VPS51: variants seen among roughly 807,000 people sequenced by gnomAD.
The protein encoded by VPS51 is VPS51 subunit of GARP complex, also known as vacuolar protein sorting-associated protein 51 homolog.
Under a neutral mutation model 65.1 loss-of-function variants are expected in VPS51, and 55 were observed. The observed-to-expected ratio is 0.84, with a 90% CI of 0.68 to 1.06. VPS51 has a LOEUF of 1.06. Ranked by LOEUF, VPS51 falls within the 50% of genes least tolerant of loss-of-function variation. The pLI, the probability that VPS51 is intolerant of heterozygous loss-of-function variation, is 0.00. For missense variants in VPS51, 943 were observed against 1,101.6 expected, an observed-to-expected ratio of 0.86 and a Z score of 2.04; for synonymous variants, 473 against 489.5, an observed-to-expected ratio of 0.97 and a Z score of 0.44.
intron 1 of VPS51, 40 bp downstream of exon 1, chr11:65,096,518 G>GGGGC: frequency 2.0e-6 from 1 of 499,404 alleles, no homozygotes. Context: ...GGGGAGGGGG[G>GGGGC]AAGGGAACCA....
Position 65,110,899 on chromosome 11 carries a change from C to T in VPS51, c.2088+118C>T, listed in dbSNP as rs1947892912. 2.4e-6 allele frequency: 3 copies of T among 1,229,724 alleles called. No homozygotes were observed. In the East Asian group the frequency reaches 7.0e-5, roughly 29 times the overall value. 76.2% of individuals were successfully genotyped at this position (1,229,724 alleles called of 1,614,324 possible). ...TGACCAACTGGGGGTGACCCTGACCCTCCAGTCTCTGTCTCTAGGGCTGTT... is the reference window on the plus strand; with the variant it reads ...TGACCAACTGGGGGTGACCCTGACCTTCCAGTCTCTGTCTCTAGGGCTGTT... On this transcript the variant is annotated intron_variant, in intron 9 of 9. Transcript: ENST00000279281.
Position 65,108,437 on chromosome 11 carries a change from C to T in VPS51, c.966C>T (p.Tyr322=), listed in dbSNP as rs1011477237. ...VGGLCQVAAA[Y]QELFAAQGPA... The stretch of plus-strand genomic sequence containing the variant: ...GCCTCTGCCAGGTGGCGGCGGCCTA[C>T]CAGGAGCTGTTTGCGGCCCAGGGCC... Residue 322 remains tyrosine (Y), a synonymous_variant, in exon 5 of 10, where the codon TAC becomes TAT. Transcript: ENST00000279281. 1.2e-6 allele frequency: 2 copies of T among 1,611,702 alleles called. No individual in the cohort carries two copies. Among genetic ancestry groups the T allele is most frequent in the Non-Finnish European group, 1.7e-6 (2 of 1,179,618 alleles).
In VPS51 at chr11:65,109,852, A is replaced by C. The variant is rs1243064041; in HGVS notation, c.1807A>C (p.Thr603Pro). The stretch of plus-strand genomic sequence containing the variant: ...CGTGGAGACTCGCGACTGGCTCAGC[A>C]CTCTGGAGCCCCGGAATGTGCGGGC... ...KSVETRDWLS[T>P]LEPRNVRAVM... The change falls in exon 7 of 10, where the codon ACT becomes CCT. Residue 603 changes from threonine (T) to proline (P), a missense_variant. By Grantham distance (38) the Thr-to-Pro change is conservative (BLOSUM62 -1). This residue lies in a region of VPS51 where 855 missense variants were observed against 953.7 expected (regional missense o/e 0.90). Coordinates refer to ENST00000279281, the MANE Select transcript of VPS51 (RefSeq NM_013265.4). The C allele has an allele frequency of 1.2e-6, 2 of 1,611,870 alleles. No homozygotes were observed. The highest frequency in any genetic ancestry group is 8.5e-7 in the Non-Finnish European group (1 of 1,179,660).
In VPS51 at chr11:65,111,482, C is replaced by T. The variant is rs373911021; in HGVS notation, c.2244C>T (p.Leu748=). The T allele has an allele frequency of 6.2e-7, 1 of 1,613,972 alleles. No homozygotes were observed. Among genetic ancestry groups the T allele is most frequent in the African/African-American group, 1.3e-5 (1 of 75,080 alleles). Reference sequence around the variant, plus strand: ...GGCGTTTTGTGGCCGACGAAGAACTCGTGCACTTGCTGCTGGACGAAGTGG... The same window carrying T: ...GGCGTTTTGTGGCCGACGAAGAACTTGTGCACTTGCTGCTGGACGAAGTGG... ...YLWRFVADEE[L]VHLLLDEVVA... Residue 748 remains leucine, a synonymous_variant, in exon 10 of 10, where the codon CTC becomes CTT. Transcript: ENST00000279281.
At chr11:65,110,100 G>A (rs1947882096) in intron 7 of VPS51, 177 bp downstream of exon 7, 1 of 719,414 alleles carries the variant, frequency 1.4e-6, no homozygotes, top group African/African-American at 1.8e-5. Flanking sequence ...AACCCCAGGG[G>A]AACAAGTCTC....
At chr11:65,105,504 C>T (rs1947836107) in intron 2 of VPS51, 2 of 152,150 alleles carry the variant, frequency 1.3e-5, no homozygotes, top group Non-Finnish European at 2.9e-5. Context: ...TATGCTCTCA[C>T]ATCACCACAA....
Position 65,107,986 on chromosome 11 carries a change from C to T in VPS51, c.689C>T (p.Thr230Met). ...ATCCAGGACGACTGCCAGGTCATCA[C>T]GGCCCGCCTGGCCCAGCAGCTGCGG... ...RAIQDDCQVI[T>M]ARLAQQLRQR... Residue 230 changes from threonine (T) to methionine (M), a missense_variant, in exon 4 of 10, where the codon ACG (threonine) becomes ATG (methionine). Around this residue, in one of 2 missense-constraint regions of VPS51, gnomAD observed 855 missense variants for 953.7 expected, o/e 0.90. Coordinates refer to ENST00000279281, the MANE Select transcript of VPS51 (RefSeq NM_013265.4). This position sits in a 1 kb window ranked among gnomAD's most constrained non-coding sequence, Gnocchi z 4.0. 5 of 1,556,002 alleles carry T rather than the reference C, an allele frequency of 3.2e-6. 1 individual carries two copies. The highest frequency in any genetic ancestry group is 2.3e-5 in the South Asian group (2 of 85,650).
At chr11:65,099,324 A>T (rs74792836) in intron 2 of VPS51, among the ~76,000 whole-genome samples, 2,848 of 152,276 alleles carry the variant, frequency 0.019, 100 homozygotes, top group African/African-American at 0.065. Context: ...GAGCTCATCT[A>T]TGGTAGCAGG....
chr11:65,102,743 C>T (rs1313303322), intron 2 of VPS51, among the ~76,000 whole-genome samples: 2 of 152,172 alleles, frequency 1.3e-5, no homozygotes, highest in Non-Finnish European at 2.9e-5. Flanking sequence ...GATCAGTAGC[C>T]CATGATCCCT....
intron 2 of VPS51, among the ~76,000 whole-genome samples, chr11:65,100,319 A>G (rs1021030202): frequency 6.6e-6 from 1 of 152,200 alleles, no homozygotes; most frequent in Non-Finnish European, 1.5e-5. Flanking sequence ...CGAAAAGCAC[A>G]TATAAATATG....
rs529504312 is a variant in VPS51 at position 65,107,756 on chromosome 11, G to A, written c.505+29G>A. 119 of 1,605,070 alleles carry A rather than the reference G, an allele frequency of 7.4e-5. No homozygotes were observed. The South Asian group carries it at 1.2e-3, about 16-fold the overall frequency. ...GGCGCTGCCGGGCAGGGCCTGCAGT[G>A]GGCCTTTCCTGGGGCTCTGGGGCTA... is the stretch of plus-strand genomic sequence containing the variant. On this transcript the variant is annotated intron_variant, in intron 3 of 9. Coordinates refer to ENST00000279281, the MANE Select transcript of VPS51 (RefSeq NM_013265.4). This position sits in a 1 kb window ranked among gnomAD's most constrained non-coding sequence, Gnocchi z 4.0.
At chr11:65,103,627 T>C (rs999618280) in intron 2 of VPS51, among the ~76,000 whole-genome samples, 4 of 152,202 alleles carry the variant, frequency 2.6e-5, no homozygotes, top group Non-Finnish European at 5.9e-5. Flanking sequence ...TTCTCCTTAC[T>C]CACCCTTCCA....
At chr11:65,111,096 C>T in intron 9 of VPS51, 1 of 758,388 alleles carries the variant, frequency 1.3e-6, no homozygotes, top group Non-Finnish European at 2.3e-6. Context: ...TGGTCCCTGC[C>T]CCGCCTCACT....
At chr11:65,110,055 C>T (rs929307833) in intron 7 of VPS51, 132 bp downstream of exon 7, 20 of 1,026,258 alleles carry the variant, frequency 1.9e-5, no homozygotes, top group Admixed American at 7.2e-5. Context: ...GGGCTTCTCA[C>T]GGGGCCAGTT....
rs1220509271 is a variant in VPS51 at position 65,109,484 on chromosome 11, T to G, written c.1648T>G (p.Phe550Val). The change falls in exon 6 of 10, where the codon TTT (phenylalanine) becomes GTT (valine). Residue 550 changes from phenylalanine to valine, a missense_variant. By Grantham distance (50) the Phe-to-Val change is conservative. This residue lies in a region of VPS51 where 855 missense variants were observed against 953.7 expected (regional missense o/e 0.90). Coordinates refer to ENST00000279281, the MANE Select transcript of VPS51 (RefSeq NM_013265.4). ...CATCCTCACTCTCACTGATGAACAGTTTCTGGTGCAGGTGAAGCACTAGCT... is the reference window on the plus strand; with the variant it reads ...CATCCTCACTCTCACTGATGAACAGGTTCTGGTGCAGGTGAAGCACTAGCT... ...SYILTLTDEQ[F>V]LVQDQFPVTP... 6.2e-7 allele frequency: 1 copy of G among 1,606,052 alleles called. No individual in the cohort carries two copies. Among genetic ancestry groups the G allele is most frequent in the Admixed American group, 1.7e-5 (1 of 60,022 alleles).
rs1565320065 is a variant in VPS51, at chr11:65,111,840, C to G, written c.*253C>G. 4.2e-6 allele frequency: 4 copies of G among 947,336 alleles called. No homozygotes were observed. The highest frequency in any genetic ancestry group is 3.1e-6 in the Non-Finnish European group (2 of 637,210). 58.7% of individuals were successfully genotyped at this position (947,336 alleles called of 1,614,324 possible). A position where few individuals can be genotyped will look rare whatever the true frequency, so the allele number is the denominator to read the frequency against. ...GCCCAGCATGGGCAGGGGGCGGTTC[C>G]ACTTAAAAACCCTGGGACGAGAGCG... On this transcript the variant is annotated 3_prime_UTR_variant, in exon 10 of 10. Transcript: ENST00000279281.
rs1488053991 is a variant in VPS51, at chr11:65,108,029, C to T, written c.725+7C>T. Reference sequence around the variant, plus strand: ...AGCTGCGGCAGCGCTTTAGGTGTGGCCCCTCTGCCCTGACCCCAGCGCTCC... The same window carrying T: ...AGCTGCGGCAGCGCTTTAGGTGTGGTCCCTCTGCCCTGACCCCAGCGCTCC... On this transcript the variant is annotated splice_region_variant and intron_variant, in intron 4 of 9. Coordinates refer to ENST00000279281, the MANE Select transcript of VPS51 (RefSeq NM_013265.4). 3 of 1,506,726 alleles carry T rather than the reference C, an allele frequency of 2.0e-6. No individual in the cohort carries two copies. Among genetic ancestry groups the T allele is most frequent in the Admixed American group, 2.0e-5 (1 of 49,644 alleles). 93.3% of individuals were successfully genotyped at this position (1,506,726 alleles called of 1,614,324 possible).
intron 9 of VPS51, 123 bp downstream of exon 9, chr11:65,110,904 G>A: frequency 8.5e-7 from 1 of 1,173,972 alleles, no homozygotes; most frequent in Non-Finnish European, 1.3e-6. Context: ...TGACCCTCCA[G>A]TCTCTGTCTC....
At position 65,096,497 on chromosome 11, in the gene VPS51, T is replaced by TGGGGGGGG; in HGVS notation, c.228+26_228+27insGGGGGGGG. On this transcript the variant is annotated intron_variant, in intron 1 of 9. Coordinates refer to ENST00000279281, the MANE Select transcript of VPS51 (RefSeq NM_013265.4). ...AGACAAGGTGTGTGCGCACGGGGAG[T>TGGGGGGGG]GGGGGGGTGCGGGGAGGGGGGAAGG... The TGGGGGGGG allele has an allele frequency of 3.2e-6, 2 of 628,460 alleles. No homozygotes were observed. The highest frequency in any genetic ancestry group is 2.4e-5 in the African/African-American group (1 of 41,434). 38.9% of individuals were successfully genotyped at this position (628,460 alleles called of 1,614,324 possible).
Sources: gnomAD v4.1 joint callset for allele counts (sites outside exome capture counted in the v4.1 genomes callset) on GRCh38, gnomAD v4.1.1 for gene constraint, gnomAD v4.1.1 regional missense constraint, Gnocchi (gnomAD v3.1) non-coding constraint, MANE v1.5 for transcripts, NCBI Gene and HGNC (gene_info 2026-07-23, HGNC 2026-07-21) for gene names.